The following TBC1D14 variants were observed in gnomAD, a reference collection of about 807,000 sequenced individuals.
The protein encoded by TBC1D14 is TBC1 domain family member 14.
TBC1D14 carries 26 observed loss-of-function variants against 79.0 expected under a neutral mutation model. The ratio of observed to expected loss-of-function variants is 0.33; its 90% CI spans 0.24 to 0.46. The LOEUF is 0.46. TBC1D14 is among the 20% of genes least tolerant of loss of function. The pLI, the probability that TBC1D14 is intolerant of heterozygous loss-of-function variation, is 1.00. For missense variants in TBC1D14, 769 were observed against 887.6 expected (o/e 0.87, Z 1.70); for synonymous variants, 394 against 349.9 (o/e 1.13, Z -1.40).
chr4:7,016,625 C>A (rs1721308909), intron 12 of TBC1D14, among the ~76,000 whole-genome samples: 2 of 152,222 alleles, frequency 1.3e-5, no homozygotes, highest in African/African-American at 4.8e-5. Context: ...AATTGTGACC[C>A]AATGTGTGCA....
At chr4:7,007,978 T>C (rs568053344) in intron 9 of TBC1D14, among the ~76,000 whole-genome samples, 42 of 152,336 alleles carry the variant, frequency 2.8e-4, no homozygotes, top group African/African-American at 7.0e-4. Context: ...TCAAACAAAT[T>C]TGGGCTTTTA....
intron 12 of TBC1D14, among the ~76,000 whole-genome samples, chr4:7,021,527 G>T (rs1721834021): frequency 6.6e-6 from 1 of 152,170 alleles, no homozygotes; most frequent in Admixed American, 6.5e-5. Flanking sequence ...AGCCCAGGAG[G>T]TCTAGGTTGC....
chr4:6,994,342 G>A (rs200204897), intron 4 of TBC1D14, 40 bp downstream of exon 4: 7 of 1,573,248 alleles, frequency 4.4e-6, no homozygotes, highest in Admixed American at 1.7e-5. Flanking sequence ...TTTGCTTTAG[G>A]AAATAAGTAC....
At chr4:6,917,281 A>G (rs1188278816) in intron 1 of TBC1D14, among the ~76,000 whole-genome samples, 2 of 152,240 alleles carry the variant, frequency 1.3e-5, no homozygotes, top group African/African-American at 4.8e-5. Context: ...CATGCCAGGC[A>G]TTTAACCAGA....
chr4:7,004,955 T>A, intron 8 of TBC1D14, 31 bp downstream of exon 8: 1 of 1,585,090 alleles, frequency 6.3e-7, no homozygotes, highest in Non-Finnish European at 8.7e-7. Flanking sequence ...AGCGGACTGC[T>A]GTGGTCAATT....
intron 11 of TBC1D14, 110 bp downstream of exon 11, chr4:7,010,891 G>C: frequency 7.6e-7 from 1 of 1,316,394 alleles, no homozygotes; most frequent in Non-Finnish European, 1.0e-6. Context: ...TCTCTGTGAA[G>C]AGATGTTTAG....
upstream of TBC1D14, chr4:6,909,756 C>CAGGGGGCGGGCG (rs910680041): frequency 7.6e-4 from 111 of 145,828 alleles, no homozygotes; most frequent in African/African-American, 1.7e-3. Context: ...GGGGCGTGCC[C>CAGGGGGCGGGCG]AGGGGGCGGG....
intron 2 of TBC1D14, among the ~76,000 whole-genome samples, chr4:6,945,631 C>T (rs1713363492): frequency 6.6e-6 from 1 of 151,958 alleles, no homozygotes; most frequent in Admixed American, 6.6e-5. Context: ...CGCCTGTAAT[C>T]CCAGCTACTC....
chr4:7,019,770 G>A (rs1196187549), intron 12 of TBC1D14, among the ~76,000 whole-genome samples: 1 of 114,098 alleles, frequency 8.8e-6, no homozygotes, highest in Non-Finnish European at 1.9e-5. Context: ...GGTCAGGGAG[G>A]ACTCTGGGGC....
chr4:6,969,533 G>T (rs1221126250), intron 3 of TBC1D14, among the ~76,000 whole-genome samples: 1 of 152,072 alleles, frequency 6.6e-6, no homozygotes, highest in Non-Finnish European at 1.5e-5. Context: ...AGCCTCCCCA[G>T]TAGCTGGGAC....
chr4:6,989,279 TCTCTCCTGGGG>T (rs1303703705), intron 3 of TBC1D14, among the ~76,000 whole-genome samples: 3 of 152,068 alleles, frequency 2.0e-5, no homozygotes, highest in Non-Finnish European at 2.9e-5. Flanking sequence ...GGCTCTCCTC[TCTCTCCTGGGG>T]CTTGTCCCAG....
rs1714170109 is a variant in TBC1D14 at position 6,952,859 on chromosome 4, T to A, written c.723-14445T>A. Among the ~76,000 whole-genome samples, 3 of 151,932 alleles carry A rather than the reference T, an allele frequency of 2.0e-5. No individual in the cohort carries two copies. In the South Asian group the frequency reaches 6.3e-4, roughly 32 times the overall value. On this transcript the variant is annotated intron_variant, in intron 2 of 13. Coordinates refer to ENST00000409757, the MANE Select transcript of TBC1D14 (RefSeq NM_020773.3). ...TTTTTTGTTGTTGTTGTTTTTGTTTTGTTTTTGAGATGGAGTCTCACTCTG... is the reference window on the plus strand; with the variant it reads ...TTTTTTGTTGTTGTTGTTTTTGTTTAGTTTTTGAGATGGAGTCTCACTCTG...
At chr4:6,965,643 A>G (rs561173705) in intron 2 of TBC1D14, among the ~76,000 whole-genome samples, 46 of 152,314 alleles carry the variant, frequency 3.0e-4, no homozygotes, top group African/African-American at 7.7e-4. Context: ...CTGGGTTCCA[A>G]TGATATCGCC....
chr4:7,023,382 G>T (rs970439333), intron 12 of TBC1D14, among the ~76,000 whole-genome samples: 6 of 152,228 alleles, frequency 3.9e-5, no homozygotes, highest in Non-Finnish European at 8.8e-5. Flanking sequence ...CACAGAGATA[G>T]TTGTGCAGGC....
At chr4:6,969,633 C>A (rs182243766) in intron 3 of TBC1D14, among the ~76,000 whole-genome samples, 1 of 152,194 alleles carries the variant, frequency 6.6e-6, no homozygotes, top group African/African-American at 2.4e-5. Context: ...TCTCAATCTC[C>A]TGACCTTGTG....
chr4:6,912,792 A>G (rs944624915), intron 1 of TBC1D14, among the ~76,000 whole-genome samples: 5 of 152,220 alleles, frequency 3.3e-5, no homozygotes, highest in South Asian at 2.1e-4. Context: ...AATCTTGTCA[A>G]CTGCCTAACA....
chr4:6,955,375 C>T (rs1039015289), intron 2 of TBC1D14, among the ~76,000 whole-genome samples: 4 of 152,168 alleles, frequency 2.6e-5, no homozygotes, highest in Admixed American at 2.0e-4. Flanking sequence ...GCCTCGGTGT[C>T]CTGTCCGTAC....
At chr4:7,015,055 T>C (rs566193849) in intron 12 of TBC1D14, among the ~76,000 whole-genome samples, 25 of 151,698 alleles carry the variant, frequency 1.6e-4, no homozygotes, top group African/African-American at 6.1e-4. Context: ...TGTAGCCAGG[T>C]CTGGTGGGGT....
chr4:6,968,005 C>T (rs922466401), intron 3 of TBC1D14, among the ~76,000 whole-genome samples: 3 of 152,182 alleles, frequency 2.0e-5, no homozygotes, highest in South Asian at 4.1e-4. Context: ...TGCTTGTGCA[C>T]GGACACAGCA....
Sources: allele counts gnomAD v4.1 joint callset (sites outside exome capture counted in the v4.1 genomes callset), GRCh38; gene constraint gnomAD v4.1.1; transcripts MANE v1.5; gene names NCBI Gene and HGNC (gene_info 2026-07-23, HGNC 2026-07-21).